CNTNAP2: variants seen among roughly 807,000 people sequenced by gnomAD.
CNTNAP2 encodes contactin-associated protein-like 2.
Under a neutral mutation model 155.2 loss-of-function variants are expected in CNTNAP2, and 98 were observed. The observed-to-expected ratio is 0.63, with a 90% confidence interval of 0.54 to 0.75. The LOEUF is 0.75. CNTNAP2 is among the 30% of genes least tolerant of loss of function. The pLI, the probability that CNTNAP2 is intolerant of heterozygous loss-of-function variation, is 0.00. For missense variants in CNTNAP2, 1,727 were observed against 1,688.1 expected, an observed-to-expected ratio of 1.02 and a Z score of -0.40; for synonymous variants, 651 against 631.2, an observed-to-expected ratio of 1.03 and a Z score of -0.47.
intron 15 of CNTNAP2, among the ~76,000 whole-genome samples, chr7:148,047,305 T>A (rs1802792100): frequency 6.6e-6 from 1 of 152,198 alleles, no homozygotes; most frequent in Non-Finnish European, 1.5e-5. Context: ...CATCAACCTA[T>A]CAATACATAA....
At chr7:147,642,538 A>G (rs1795296469) in intron 13 of CNTNAP2, among the ~76,000 whole-genome samples, 2 of 152,118 alleles carry the variant, frequency 1.3e-5, no homozygotes, top group South Asian at 4.2e-4. Flanking sequence ...ACTCTCCTTT[A>G]CAAAACATAA....
intron 3 of CNTNAP2, among the ~76,000 whole-genome samples, chr7:146,929,138 A>G (rs980655849): frequency 5.6e-4 from 85 of 152,350 alleles, no homozygotes; most frequent in Non-Finnish European, 9.0e-4. Context: ...TGCCTCCTCA[A>G]GTGGGTCCCT....
chr7:147,801,957 A>AC (rs1365142351), intron 13 of CNTNAP2, among the ~76,000 whole-genome samples: 225 of 144,564 alleles, frequency 1.6e-3, no homozygotes, highest in African/African-American at 5.4e-3. Context: ...CGGGGGGCTG[A>AC]CACCCCCACC....
At chr7:147,237,186 C>T (rs756647803) in intron 8 of CNTNAP2, among the ~76,000 whole-genome samples, 2 of 151,068 alleles carry the variant, frequency 1.3e-5, no homozygotes, top group African/African-American at 2.4e-5. Context: ...GTGCCTCAGC[C>T]TCCCAAGTAG....
At chr7:146,138,386 TTTG>T (rs926674644) in intron 1 of CNTNAP2, among the ~76,000 whole-genome samples, 4 of 152,110 alleles carry the variant, frequency 2.6e-5, no homozygotes, top group African/African-American at 9.7e-5. Flanking sequence ...TATTGATAAA[TTTG>T]TTGTTGTTAT....
chr7:147,229,677 C>G (rs916060254), intron 8 of CNTNAP2, among the ~76,000 whole-genome samples: 5 of 152,174 alleles, frequency 3.3e-5, no homozygotes, highest in African/African-American at 9.7e-5. Context: ...AATCAATATT[C>G]TCAGTCACCA....
Position 146,969,784 on chromosome 7 carries a change from G to T in CNTNAP2, c.403-74123G>T, listed in dbSNP as rs1292718435. Reference sequence around the variant, plus strand: ...CTAAGCCAAAAGAACACAGCTGGAGGTATCACGCTACCTGACTTCAAACTA... The same window carrying T: ...CTAAGCCAAAAGAACACAGCTGGAGTTATCACGCTACCTGACTTCAAACTA... On this transcript the variant is annotated intron_variant, in intron 3 of 23. Transcript: ENST00000361727. 5.9e-5 allele frequency among the ~76,000 whole-genome samples: 9 copies of T among 152,214 alleles called. No homozygotes were observed. The East Asian group carries it at 1.7e-3, about 29-fold the overall frequency.
chr7:147,208,942 G>T (rs1054287051), intron 8 of CNTNAP2, among the ~76,000 whole-genome samples: 2 of 151,850 alleles, frequency 1.3e-5, no homozygotes, highest in Non-Finnish European at 2.9e-5. Context: ...ATTGCATAGT[G>T]CTATACAAAA....
intron 13 of CNTNAP2, among the ~76,000 whole-genome samples, chr7:147,837,185 C>T (rs1798646675): frequency 6.6e-6 from 1 of 152,156 alleles, no homozygotes. Flanking sequence ...TTAATGGACT[C>T]ACAGTTCCAT....
At chr7:147,784,976 A>G (rs181063983) in intron 13 of CNTNAP2, among the ~76,000 whole-genome samples, 254 of 152,232 alleles carry the variant, frequency 1.7e-3, no homozygotes, top group African/African-American at 5.9e-3. Flanking sequence ...GCCAAGAGAG[A>G]AAACACTGGA....
chr7:147,798,411 CAAAT>C (rs1797936166), intron 13 of CNTNAP2, among the ~76,000 whole-genome samples: 1 of 152,100 alleles, frequency 6.6e-6, no homozygotes, highest in Admixed American at 6.6e-5. Flanking sequence ...TTTCTCATCT[CAAAT>C]AAAAAGCTGT....
intron 8 of CNTNAP2, among the ~76,000 whole-genome samples, chr7:147,137,766 C>T (rs370955133): frequency 2.8e-4 from 42 of 151,878 alleles, no homozygotes; most frequent in East Asian, 1.6e-3. Flanking sequence ...ATTCATAACT[C>T]ATTTTGAACA....
At chr7:146,897,747 C>T (rs539758997) in intron 3 of CNTNAP2, among the ~76,000 whole-genome samples, 1 of 152,232 alleles carries the variant, frequency 6.6e-6, no homozygotes, top group East Asian at 1.9e-4. Context: ...ACCACCCACT[C>T]TGCAGAATCA....
At chr7:147,575,558 C>T (rs929404985) in intron 12 of CNTNAP2, among the ~76,000 whole-genome samples, 1 of 150,604 alleles carries the variant, frequency 6.6e-6, no homozygotes, top group African/African-American at 2.4e-5. Context: ...AATTCCCTAG[C>T]TTTAGGGGAT....
chr7:146,901,235 C>T (rs1795987083), intron 3 of CNTNAP2, among the ~76,000 whole-genome samples: 1 of 151,904 alleles, frequency 6.6e-6, no homozygotes, highest in Non-Finnish European at 1.5e-5. Context: ...CTTAATTCAC[C>T]CGAGCCTCAA....
At chr7:147,736,200 C>T (rs1796840457) in intron 13 of CNTNAP2, among the ~76,000 whole-genome samples, 1 of 151,870 alleles carries the variant, frequency 6.6e-6, no homozygotes, top group Admixed American at 6.6e-5. Context: ...TTCAGGAGCT[C>T]TTTTAGGGCA....
chr7:147,453,297 A>T (rs1797864169), intron 10 of CNTNAP2, among the ~76,000 whole-genome samples: 1 of 152,196 alleles, frequency 6.6e-6, no homozygotes, highest in Admixed American at 6.5e-5. Flanking sequence ...CTTCAGGAAG[A>T]ATCAGAGACA....
chr7:148,266,248 G>A (rs1315274387), intron 20 of CNTNAP2, among the ~76,000 whole-genome samples: 1 of 152,174 alleles, frequency 6.6e-6, no homozygotes, highest in Non-Finnish European at 1.5e-5. Context: ...ACCGGGGTGG[G>A]GGGCCCAAAA....
chr7:146,978,695 A>G (rs929494252), intron 3 of CNTNAP2, among the ~76,000 whole-genome samples: 14 of 151,316 alleles, frequency 9.3e-5, no homozygotes, highest in African/African-American at 2.2e-4. Context: ...TTTAGATAAT[A>G]AGATCATATA....
Sources: gnomAD v4.1 joint callset for allele counts (sites outside exome capture counted in the v4.1 genomes callset) on GRCh38, gnomAD v4.1.1 for gene constraint, MANE v1.5 for transcripts, NCBI Gene and HGNC (gene_info 2026-07-23, HGNC 2026-07-21) for gene names.